The following ARHGAP1 variants were observed in gnomAD, a reference collection of about 807,000 sequenced individuals.
ARHGAP1 encodes rho GTPase-activating protein 1.
ARHGAP1 carries 23 observed loss-of-function variants against 52.2 expected under a neutral mutation model. That is an observed-to-expected ratio of 0.44 (90% CI 0.32 to 0.62). The LOEUF (loss-of-function observed/expected upper bound fraction) is 0.62, where lower values mean the gene tolerates loss of function less well. Among genes scored for constraint, ARHGAP1 ranks in the 20% least tolerant of loss-of-function variants. The pLI is 0.05. For synonymous variants in ARHGAP1, 210 were observed against 228.4 expected, an observed-to-expected ratio of 0.92 and a Z score of 0.73; for missense variants, 480 against 560.9, an observed-to-expected ratio of 0.86 and a Z score of 1.46.
At chr11:46,683,772 C>G (rs2064546998) in intron 4 of ARHGAP1, among the ~76,000 whole-genome samples, 1 of 152,088 alleles carries the variant, frequency 6.6e-6, no homozygotes, top group Non-Finnish European at 1.5e-5. Flanking sequence ...TCCCAAGTAG[C>G]TGGGATTATA....
Position 46,680,756 on chromosome 11 carries a change from G to A in ARHGAP1, c.636-9C>T. On this transcript the variant is annotated splice_polypyrimidine_tract_variant and intron_variant, in intron 7 of 12. Coordinates refer to ENST00000311956, the MANE Select transcript of ARHGAP1 (RefSeq NM_004308.5). The surrounding 1 kb of genome is among the most constrained non-coding windows in gnomAD (Gnocchi z 5.9). ...TCAGGAAGTCGTCATATCTGTAGGA[G>A]TAGAGGGAGGTGGGTCAGGTCCTGC... The A allele has an allele frequency of 6.5e-7, 1 of 1,529,972 alleles. No individual in the cohort carries two copies. Among genetic ancestry groups the A allele is most frequent in the Non-Finnish European group, 8.8e-7 (1 of 1,140,614 alleles). 94.8% of individuals were successfully genotyped at this position (1,529,972 alleles called of 1,614,324 possible).
intron 4 of ARHGAP1, among the ~76,000 whole-genome samples, chr11:46,685,241 TA>T (rs1341485253): frequency 2.6e-5 from 4 of 151,816 alleles, no homozygotes; most frequent in South Asian, 2.1e-4. Context: ...GTTGTCTATA[TA>T]TTTTTTTATT....
At chr11:46,695,390 G>C (rs2064644436) in intron 3 of ARHGAP1, 4 of 504,302 alleles carry the variant, frequency 7.9e-6, no homozygotes, top group African/African-American at 1.9e-5. Flanking sequence ...ACTTATTCAA[G>C]GCCAACTGTG....
At position 46,680,863 on chromosome 11, in the gene ARHGAP1, C is replaced by A. The variant is rs1385620768; in HGVS notation, c.636-116G>T. ...GGATCATCTCATGCGATCTCTGTAA[C>A]AACTCCGCTTTCCACAGCAGAAAGC... On this transcript the variant is annotated intron_variant, in intron 7 of 12. Transcript: ENST00000311956. The surrounding 1 kb of genome is among the most constrained non-coding windows in gnomAD (Gnocchi z 5.9). 6 of 1,077,890 alleles carry A rather than the reference C, an allele frequency of 5.6e-6. No individual in the cohort carries two copies. The highest frequency in any genetic ancestry group is 2.1e-4 in the Middle Eastern group (1 of 4,680). The allele number at this position is 1,077,890 out of a possible 1,614,324, so 66.8% of individuals were successfully genotyped here.
Position 46,680,057 on chromosome 11 carries a change from G to T in ARHGAP1, c.898+148C>A. The T allele has an allele frequency of 1.9e-6, 2 of 1,064,580 alleles. No homozygotes were observed. Among genetic ancestry groups the T allele is most frequent in the Non-Finnish European group, 2.8e-6 (2 of 717,782 alleles). 65.9% of individuals were successfully genotyped at this position (1,064,580 alleles called of 1,614,324 possible). A position where few individuals can be genotyped will look rare whatever the true frequency, so the allele number is the denominator to read the frequency against. On this transcript the variant is annotated intron_variant, in intron 10 of 12. Transcript: ENST00000311956. This position sits in a 1 kb window ranked among gnomAD's most constrained non-coding sequence, Gnocchi z 5.9. ...CCCGACCGATGAGGCAGCAGGCCTGGCAGAAGTAGGACTTATGTGACACCC... is the reference window on the plus strand; with the variant it reads ...CCCGACCGATGAGGCAGCAGGCCTGTCAGAAGTAGGACTTATGTGACACCC...
chr11:46,679,784 G>C lies in ARHGAP1; in HGVS notation c.899-8C>G, dbSNP rs373352790. On this transcript the variant is annotated splice_region_variant and splice_polypyrimidine_tract_variant and intron_variant, in intron 10 of 12. Coordinates refer to ENST00000311956, the MANE Select transcript of ARHGAP1 (RefSeq NM_004308.5). The surrounding 1 kb of genome is among the most constrained non-coding windows in gnomAD (Gnocchi z 4.4). Reference sequence around the variant, plus strand: ...CGAAATCCACAGGCAGCCCTGGGGTGGGGGCAGCGTGAGAGAAGCTCGGCA... The same window carrying C: ...CGAAATCCACAGGCAGCCCTGGGGTCGGGGCAGCGTGAGAGAAGCTCGGCA... 3.7e-6 allele frequency: 6 copies of C among 1,612,922 alleles called. No individual in the cohort carries two copies. The highest frequency in any genetic ancestry group is 1.1e-5 in the South Asian group (1 of 91,066).
intron 4 of ARHGAP1, 29 bp downstream of exon 4, chr11:46,688,144 C>A (rs1592388421): frequency 6.2e-7 from 1 of 1,601,492 alleles, no homozygotes; most frequent in Non-Finnish European, 8.5e-7. Flanking sequence ...CTGGGCAAAG[C>A]CCCAACACAC....
In ARHGAP1 at chr11:46,678,343, C is replaced by T; in HGVS notation, c.*694G>A. The T allele has an allele frequency of 5.9e-6, 1 of 168,910 alleles. No individual in the cohort carries two copies. The highest frequency in any genetic ancestry group is 1.2e-4 in the South Asian group (1 of 8,622). The allele number at this position is 168,910 out of a possible 1,614,324, so 10.5% of individuals were successfully genotyped here. A position where few individuals can be genotyped will look rare whatever the true frequency, so the allele number is the denominator to read the frequency against. On this transcript the variant is annotated 3_prime_UTR_variant, in exon 13 of 13. Coordinates refer to ENST00000311956, the MANE Select transcript of ARHGAP1 (RefSeq NM_004308.5). ...TGCTGGGACTCTGAGCCATGTCATC[C>T]AAGCTACCAGTCCCTGCACAACCAA...
At position 46,679,365 on chromosome 11, in the gene ARHGAP1, C is replaced by A; in HGVS notation, c.1131G>T (p.Gln377His). The A allele has an allele frequency of 6.2e-7, 1 of 1,614,116 alleles. No individual in the cohort carries two copies. Residue 377 changes from glutamine (Q) to histidine (H), a missense_variant and splice_region_variant, in exon 12 of 13, where the codon CAG (glutamine) becomes CAT (histidine). By Grantham distance (24) the Gln-to-His change is conservative. Transcript: ENST00000311956. The surrounding 1 kb of genome is among the most constrained non-coding windows in gnomAD (Gnocchi z 4.4). ...CCAGAGGCCAAGTCCAAGGTCTCAC[C>A]TGCACCAGGAAAGCAGTCAGGAAAC... ...VLRFLTAFLV[Q>H]ISAHSDQNKM...
chr11:46,684,321 G>A (rs2064552006), intron 4 of ARHGAP1, among the ~76,000 whole-genome samples: 1 of 152,228 alleles, frequency 6.6e-6, no homozygotes, highest in Non-Finnish European at 1.5e-5. Context: ...TGGAGGTTAT[G>A]GCCTTTTGTA....
chr11:46,695,584 C>T, intron 3 of ARHGAP1, 76 bp downstream of exon 3: 1 of 1,429,694 alleles, frequency 7.0e-7, no homozygotes, highest in African/African-American at 1.4e-5. Flanking sequence ...AGAGGCCCTT[C>T]CCCTGTGGTG....
chr11:46,697,177 C>T (rs1443858785), intron 1 of ARHGAP1: 3 of 152,672 alleles, frequency 2.0e-5, no homozygotes, highest in Admixed American at 6.5e-5. Flanking sequence ...ACAAGGCAGA[C>T]TCGACCACCA....
intron 1 of ARHGAP1, among the ~76,000 whole-genome samples, chr11:46,699,065 G>A (rs2064678662): frequency 6.6e-6 from 1 of 152,076 alleles, no homozygotes. Flanking sequence ...AAAATCTTAA[G>A]GATCACCTTA....
In ARHGAP1 at chr11:46,681,469, A is replaced by T; in HGVS notation, c.450-90T>A. 4.3e-6 allele frequency: 4 copies of T among 935,030 alleles called. No individual in the cohort carries two copies. Among genetic ancestry groups the T allele is most frequent in the Non-Finnish European group, 7.0e-6 (4 of 574,062 alleles). 57.9% of individuals were successfully genotyped at this position (935,030 alleles called of 1,614,324 possible). On this transcript the variant is annotated intron_variant, in intron 5 of 12. Coordinates refer to ENST00000311956, the MANE Select transcript of ARHGAP1 (RefSeq NM_004308.5). This position sits in a 1 kb window ranked among gnomAD's most constrained non-coding sequence, Gnocchi z 5.7. ...AGTGCATACTTTTTTTTTTTGAGAC[A>T]GAGTCTCCTTCACCCAGGCTGGAGT...
At position 46,700,209 on chromosome 11, in the gene ARHGAP1, G is replaced by C. The variant is rs192674405; in HGVS notation, c.-50+342C>G. On this transcript the variant is annotated intron_variant, in intron 1 of 12. Coordinates refer to ENST00000311956, the MANE Select transcript of ARHGAP1 (RefSeq NM_004308.5). ...GCGTGGCCTAATAAGTGGCAAGGAG[G>C]AACACTTCCCCCAAATTTCTTCTTC... 6.0e-3 allele frequency among the ~76,000 whole-genome samples: 921 copies of C among 152,286 alleles called. 34 individuals carry two copies. The highest frequency in any genetic ancestry group is 0.056 in the Admixed American group (858 of 15,302).
chr11:46,694,292 G>A (rs922843786), intron 3 of ARHGAP1, among the ~76,000 whole-genome samples: 4 of 151,892 alleles, frequency 2.6e-5, no homozygotes, highest in African/African-American at 4.8e-5. Flanking sequence ...CGACTCCCAG[G>A]CACCACCAAC....
At position 46,681,253 on chromosome 11, in the gene ARHGAP1, A is replaced by G; in HGVS notation, c.536+40T>C. 1 of 1,576,894 alleles carries G rather than the reference A, an allele frequency of 6.3e-7. No homozygotes were observed. Among genetic ancestry groups the G allele is most frequent in the Non-Finnish European group, 8.7e-7 (1 of 1,146,216 alleles). ...CCCAGCCTCCCAGCTTCAGAGTTCC[A>G]GGCAAGCCGGGACCACCAGCCCTGC... On this transcript the variant is annotated intron_variant, in intron 6 of 12. Transcript: ENST00000311956. This position sits in a 1 kb window ranked among gnomAD's most constrained non-coding sequence, Gnocchi z 5.7.
At chr11:46,682,307 A>G in intron 4 of ARHGAP1, 125 bp from the exon 5 acceptor site, 3 of 1,316,336 alleles carry the variant, frequency 2.3e-6, no homozygotes, top group South Asian at 1.4e-5. Context: ...CCCCTAGCAC[A>G]GTCTGTTCTG....
chr11:46,690,480 C>T (rs1592389882), intron 3 of ARHGAP1, among the ~76,000 whole-genome samples: 2 of 152,100 alleles, frequency 1.3e-5, no homozygotes, highest in African/African-American at 4.8e-5. Flanking sequence ...GATCCTCTCA[C>T]CTCAGCTTCC....
Sources: allele counts gnomAD v4.1 joint callset (sites outside exome capture counted in the v4.1 genomes callset), GRCh38; gene constraint gnomAD v4.1.1; non-coding constraint Gnocchi (gnomAD v3.1); transcripts MANE v1.5; gene names NCBI Gene and HGNC (gene_info 2026-07-23, HGNC 2026-07-21).